The following PPP2R5C variants were observed in gnomAD, a reference collection of about 807,000 sequenced individuals.
PPP2R5C encodes protein phosphatase 2 regulatory subunit B'gamma, also known as serine/threonine-protein phosphatase 2A 56 kDa regulatory subunit gamma isoform.
In PPP2R5C, 7 loss-of-function variants were observed where a neutral mutation model predicts 68.9. The ratio of observed to expected loss-of-function variants is 0.10; its 90% CI spans 0.06 to 0.19. PPP2R5C has a LOEUF of 0.19. PPP2R5C is among the 10% of genes least tolerant of loss of function. PPP2R5C has a pLI of 1.00. For missense variants in PPP2R5C, 348 were observed against 641.3 expected (o/e 0.54, Z 4.94); for synonymous variants, 210 against 222.2 (o/e 0.95, Z 0.49).
chr14:101,919,100 C>T (rs1677994), intron 13 of PPP2R5C, among the ~76,000 whole-genome samples: 1 of 152,206 alleles, frequency 6.6e-6, no homozygotes, highest in Non-Finnish European at 1.5e-5. Context: ...CTAGAAGATT[C>T]GGAATTAGCA....
intron 1 of PPP2R5C, among the ~76,000 whole-genome samples, chr14:101,815,835 AT>A (rs767420945): frequency 6.6e-6 from 1 of 151,746 alleles, no homozygotes; most frequent in Non-Finnish European, 1.5e-5. Flanking sequence ...ACGCCCGGCT[AT>A]TTTTTGTATT....
Position 101,882,452 on chromosome 14 carries a change from A to C in PPP2R5C, c.405+181A>C, listed in dbSNP as rs1595460846. ...AGAATAAAGTTAATGTGTGTGTTTG[A>C]CCACTTTACAACAGCCAGTGAAGAT... On this transcript the variant is annotated intron_variant, in intron 3 of 13. Transcript: ENST00000334743. This position sits in a 1 kb window ranked among gnomAD's most constrained non-coding sequence, Gnocchi z 4.9. The C allele has an allele frequency of 2.1e-6, 1 of 487,776 alleles. No individual in the cohort carries two copies. Among genetic ancestry groups the C allele is most frequent in the Non-Finnish European group, 3.7e-6 (1 of 272,720 alleles). The allele number at this position is 487,776 out of a possible 1,614,324, so 30.2% of individuals were successfully genotyped here.
chr14:101,876,340 C>T (rs2043777860), intron 2 of PPP2R5C, among the ~76,000 whole-genome samples: 2 of 151,608 alleles, frequency 1.3e-5, no homozygotes, highest in South Asian at 4.2e-4. Context: ...ACAGAATAAC[C>T]CTTGTGGTTT....
At chr14:101,849,441 G>A (rs191857963) in intron 1 of PPP2R5C, among the ~76,000 whole-genome samples, 9 of 152,284 alleles carry the variant, frequency 5.9e-5, no homozygotes, top group Non-Finnish European at 1.3e-4. Flanking sequence ...TGAGAGTGAC[G>A]AGCCCTTCAT....
chr14:101,786,191 T>G lies in PPP2R5C; in HGVS notation c.259+8T>G. Reference sequence around the variant, plus strand: ...AACTACCATCCTTAAAAGGTAATTTTTATTTGTCTTTTAAAAGTTAAATTG... The same window carrying G: ...AACTACCATCCTTAAAAGGTAATTTGTATTTGTCTTTTAAAAGTTAAATTG... On this transcript the variant is annotated splice_region_variant and intron_variant, in intron 3 of 14. Transcript: ENST00000328724. 6.5e-7 allele frequency: 1 copy of G among 1,534,950 alleles called. No homozygotes were observed. Among genetic ancestry groups the G allele is most frequent in the Non-Finnish European group, 8.7e-7 (1 of 1,143,208 alleles).
chr14:101,886,342 T>G (rs1722078789), intron 5 of PPP2R5C, among the ~76,000 whole-genome samples: 1 of 152,160 alleles, frequency 6.6e-6, no homozygotes, highest in Non-Finnish European at 1.5e-5. Flanking sequence ...AGGAAATACT[T>G]AAATAGATTA....
intron 2 of PPP2R5C, among the ~76,000 whole-genome samples, chr14:101,775,326 A>G (rs960545451): frequency 6.6e-6 from 1 of 152,216 alleles, no homozygotes; most frequent in Non-Finnish European, 1.5e-5. Context: ...TAAAACATCT[A>G]GGAGAGAGGC....
upstream of PPP2R5C, among the ~76,000 whole-genome samples, chr14:101,761,503 G>A (rs1431201325): frequency 1.3e-5 from 2 of 150,022 alleles, no homozygotes; most frequent in African/African-American, 4.9e-5. Flanking sequence ...GAGGGTGGGG[G>A]GAGCGGGGAG....
At chr14:101,819,337 G>A (rs1388938186) in intron 1 of PPP2R5C, 11 of 416,830 alleles carry the variant, frequency 2.6e-5, no homozygotes, top group South Asian at 1.6e-4. Context: ...TTGCAAGGCC[G>A]TCACTGCCTC....
At position 101,917,062 on chromosome 14, in the gene PPP2R5C, G is replaced by A. The variant is rs1217100880; in HGVS notation, c.1327-769G>A. On this transcript the variant is annotated intron_variant, in intron 12 of 13. Coordinates refer to ENST00000334743, the Ensembl canonical transcript of PPP2R5C. This position sits in a 1 kb window ranked among gnomAD's most constrained non-coding sequence, Gnocchi z 4.4. ...TCAGAGCCAGCAGACGCTCGTCACA[G>A]TCATACTGTCCTGTGCACCCTGTCT... Among the ~76,000 whole-genome samples, 1 of 151,866 alleles carries A rather than the reference G, an allele frequency of 6.6e-6. No individual in the cohort carries two copies. Among genetic ancestry groups the A allele is most frequent in the Non-Finnish European group, 1.5e-5 (1 of 68,016 alleles).
At chr14:101,884,232 G>T (rs1205152701) in intron 5 of PPP2R5C, among the ~76,000 whole-genome samples, 1 of 152,312 alleles carries the variant, frequency 6.6e-6, no homozygotes, top group East Asian at 1.9e-4. Context: ...ACGTTCCTCT[G>T]CCTGCTTAAT....
chr14:101,925,510 C>T, exon 14 of PPP2R5C: 2 of 530,326 alleles, frequency 3.8e-6, no homozygotes, highest in South Asian at 2.7e-5. Context: ...TCGCCGCCAC[C>T]CCAGCGTAGT....
chr14:101,770,804 T>C (rs2037104936), intron 2 of PPP2R5C, among the ~76,000 whole-genome samples: 1 of 152,288 alleles, frequency 6.6e-6, no homozygotes, highest in South Asian at 2.1e-4. Context: ...TGCCATGTGA[T>C]GGTGGAAAGG....
chr14:101,916,771 A>T lies in PPP2R5C; in HGVS notation c.1327-1060A>T, dbSNP rs2046697574. Among the ~76,000 whole-genome samples, 2 of 151,976 alleles carry T rather than the reference A, an allele frequency of 1.3e-5. No individual in the cohort carries two copies. The highest frequency in any genetic ancestry group is 2.9e-5 in the Non-Finnish European group (2 of 67,976). On this transcript the variant is annotated intron_variant, in intron 12 of 13. Transcript: ENST00000334743. This position sits in a 1 kb window ranked among gnomAD's most constrained non-coding sequence, Gnocchi z 5.5. ...AGCAGGAGGGCGCTGCTGTGACAGG[A>T]GCTCAGCCTGAAAGAGGCCGAAGCT...
intron 3 of PPP2R5C, among the ~76,000 whole-genome samples, chr14:101,788,474 C>A (rs554277502): frequency 2.0e-5 from 3 of 152,226 alleles, no homozygotes; most frequent in Non-Finnish European, 4.4e-5. Context: ...TTTACCTCTT[C>A]TGAGGAGTCG....
intron 1 of PPP2R5C, among the ~76,000 whole-genome samples, chr14:101,843,063 CA>C (rs1277359964): frequency 6.6e-6 from 1 of 151,794 alleles, no homozygotes; most frequent in African/African-American, 2.4e-5. Context: ...CTGTCTTCTA[CA>C]AAAAAATAAA....
chr14:101,797,325 C>G lies in PPP2R5C; in HGVS notation c.259+11142C>G, dbSNP rs1469749488. The G allele has an allele frequency of 2.2e-6, 1 of 455,850 alleles. No homozygotes were observed. Among genetic ancestry groups the G allele is most frequent in the South Asian group, 1.5e-5 (1 of 64,558 alleles). 28.2% of individuals were successfully genotyped at this position (455,850 alleles called of 1,614,324 possible). On this transcript the variant is annotated intron_variant, in intron 3 of 14. Coordinates refer to the PPP2R5C transcript ENST00000328724. The surrounding 1 kb of genome is among the most constrained non-coding windows in gnomAD (Gnocchi z 4.2). ...GTATCCCCCAATCAGTGGATGGACG[C>G]GTGGGTTGCAGAGCACGCCACACAC...
Position 101,882,291 on chromosome 14 carries a change from A to G in PPP2R5C, c.405+20A>G, listed in dbSNP as rs2044213783. On this transcript the variant is annotated intron_variant, in intron 3 of 13. Transcript: ENST00000334743. This position sits in a 1 kb window ranked among gnomAD's most constrained non-coding sequence, Gnocchi z 4.9. ...CTACAGGTATCGGGCTCTGGGTGAT[A>G]GACTCGGAGGGCACTGGTGACACAT... The G allele has an allele frequency of 9.5e-6, 15 of 1,572,404 alleles. No individual in the cohort carries two copies. The highest frequency in any genetic ancestry group is 9.5e-5 in the African/African-American group (7 of 73,814).
chr14:101,875,816 C>T (rs2043732412), intron 2 of PPP2R5C, among the ~76,000 whole-genome samples: 1 of 152,174 alleles, frequency 6.6e-6, no homozygotes, highest in African/African-American at 2.4e-5. Context: ...GAAGTTCCAT[C>T]TTTGTAATAT....
Sources: gnomAD v4.1 joint callset for allele counts (sites outside exome capture counted in the v4.1 genomes callset) on GRCh38, gnomAD v4.1.1 for gene constraint, Gnocchi (gnomAD v3.1) non-coding constraint, MANE v1.5 for transcripts, NCBI Gene and HGNC (gene_info 2026-07-23, HGNC 2026-07-21) for gene names.